Variants in VASH2 observed in about 807,000 individuals in gnomAD.
The protein encoded by VASH2 is tubulinyl-Tyr carboxypeptidase 2.
VASH2 carries 28 observed loss-of-function variants against 37.2 expected under a neutral mutation model. That is an observed-to-expected ratio of 0.75 (90% confidence interval 0.56 to 1.03). The LOEUF (loss-of-function observed/expected upper bound fraction) is 1.03, where lower values mean the gene tolerates loss of function less well. Among genes scored for constraint, VASH2 ranks in the 50% least tolerant of loss-of-function variants. The pLI is 0.00. For missense variants in VASH2, 419 were observed against 459.1 expected, an observed-to-expected ratio of 0.91 and a Z score of 0.80; for synonymous variants, 188 against 174.7, an observed-to-expected ratio of 1.08 and a Z score of -0.60.
chr1:212,968,707 A>G (rs1455771734), intron 5 of VASH2: 3 of 985,398 alleles, frequency 3.0e-6, no homozygotes, highest in Admixed American at 6.2e-5. Flanking sequence ...CAGGGCCCCA[A>G]CTCTTTAGTG....
chr1:212,952,798 G>C (rs142489568), intron 2 of VASH2: 1 of 152,286 alleles, frequency 6.6e-6, no homozygotes, highest in Non-Finnish European at 1.5e-5. Context: ...GACCCGGAAG[G>C]CCATCTGGTT....
intron 7 of VASH2, among the ~76,000 whole-genome samples, chr1:212,984,519 G>T (rs1163421268): frequency 6.6e-6 from 1 of 152,138 alleles, no homozygotes; most frequent in Non-Finnish European, 1.5e-5. Context: ...ACAGGTCAGT[G>T]CAGATCTAGT....
chr1:212,971,686 G>T lies in VASH2; in HGVS notation c.498-894G>T, dbSNP rs915285429. 3.3e-5 allele frequency among the ~76,000 whole-genome samples: 5 copies of T among 152,280 alleles called. No homozygotes were observed. The highest frequency in any genetic ancestry group is 5.9e-5 in the Non-Finnish European group (4 of 68,018). ...CAAAACTGCTTTCTTTCTAGAGAGTGGAGGCATCCGTGATTAAACCGAGAG... is the reference window on the plus strand; with the variant it reads ...CAAAACTGCTTTCTTTCTAGAGAGTTGAGGCATCCGTGATTAAACCGAGAG... On this transcript the variant is annotated intron_variant, in intron 5 of 7. Transcript: ENST00000517399. The surrounding 1 kb of genome is among the most constrained non-coding windows in gnomAD (Gnocchi z 4.0).
chr1:212,988,140 G>C (rs993664141), intron 7 of VASH2, among the ~76,000 whole-genome samples: 1 of 152,152 alleles, frequency 6.6e-6, no homozygotes, highest in African/African-American at 2.4e-5. Flanking sequence ...GTTTCAAGGA[G>C]AATTTGACTC....
At chr1:212,985,558 A>G (rs1667454879) in intron 7 of VASH2, among the ~76,000 whole-genome samples, 1 of 151,972 alleles carries the variant, frequency 6.6e-6, no homozygotes, top group South Asian at 2.1e-4. Context: ...CTGGGACTAC[A>G]GGAATGCGCC....
At chr1:212,958,769 G>A (rs115271449) in intron 2 of VASH2, among the ~76,000 whole-genome samples, 2,125 of 151,940 alleles carry the variant, frequency 0.014, 48 homozygotes, top group African/African-American at 0.049. Context: ...GCTGGAGTGC[G>A]GTGGCCCATT....
chr1:212,982,553 C>T (rs1667368628), intron 7 of VASH2, among the ~76,000 whole-genome samples: 2 of 152,148 alleles, frequency 1.3e-5, no homozygotes, highest in South Asian at 2.1e-4. Context: ...GAAGAGTCCT[C>T]TCTATACACA....
At chr1:212,955,762 A>C (rs923522272) in intron 2 of VASH2, among the ~76,000 whole-genome samples, 4 of 152,152 alleles carry the variant, frequency 2.6e-5, no homozygotes, top group Non-Finnish European at 4.4e-5. Context: ...AAGACACGGG[A>C]GTGTTTGGTA....
chr1:212,960,482 G>A (rs1002376723), intron 2 of VASH2, among the ~76,000 whole-genome samples: 1 of 152,228 alleles, frequency 6.6e-6, no homozygotes. Flanking sequence ...GGGCGTTGCA[G>A]GGAGGGTGGT....
At chr1:212,972,277 C>T (rs1409640419) in intron 5 of VASH2, among the ~76,000 whole-genome samples, 3 of 152,000 alleles carry the variant, frequency 2.0e-5, no homozygotes, top group East Asian at 3.9e-4. Flanking sequence ...CTGTGTGAGC[C>T]CCAGGAGCAG....
intron 5 of VASH2, among the ~76,000 whole-genome samples, chr1:212,970,476 A>G (rs61583935): frequency 0.031 from 4,778 of 152,174 alleles, 93 homozygotes; most frequent in African/African-American, 0.047. Context: ...CTTTCTTATA[A>G]CACACTTCAC....
At position 212,966,319 on chromosome 1, in the gene VASH2, AT is replaced by A; in HGVS notation, c.472del (p.Cys158AlafsTer11). Reference protein sequence around the residue: ...EMTRESLPIKCLEAVILGIYL... With the variant: ...EMTRESLPIKXLEAVILGIYL... ...TGACCCGAGAGTCCTTGCCTATCAA[AT>A]GCCTTGAAGCTGTCATCCTGGGCAT... is the stretch of plus-strand genomic sequence containing the variant. On this transcript the variant is annotated frameshift_variant, in exon 5 of 8. Coordinates refer to ENST00000517399, the MANE Select transcript of VASH2 (RefSeq NM_001301056.2). LOFTEE classifies it high-confidence loss of function. The A allele has an allele frequency of 6.4e-7, 1 of 1,551,730 alleles. No homozygotes were observed. Among genetic ancestry groups the A allele is most frequent in the Non-Finnish European group, 8.7e-7 (1 of 1,147,004 alleles).
chr1:212,982,904 T>C (rs1558152651), intron 7 of VASH2, among the ~76,000 whole-genome samples: 2 of 152,116 alleles, frequency 1.3e-5, no homozygotes, highest in East Asian at 1.9e-4. Context: ...GCTTAATGAG[T>C]AGGCAGGTTC....
chr1:212,987,582 AAAAC>A (rs1441027603), intron 7 of VASH2, among the ~76,000 whole-genome samples: 2 of 152,216 alleles, frequency 1.3e-5, no homozygotes, highest in Non-Finnish European at 2.9e-5. Flanking sequence ...CTCAAAAACA[AAAAC>A]AAAAACAAAA....
intron 6 of VASH2, 43 bp from the exon 7 acceptor site, chr1:212,973,912 T>C (rs1667095642): frequency 6.3e-7 from 1 of 1,593,302 alleles, no homozygotes; most frequent in South Asian, 1.1e-5. Context: ...AGGGTGGAGG[T>C]CCCTTAGGAA....
Position 212,972,819 on chromosome 1 carries a change from T to C in VASH2, c.737T>C (p.Val246Ala). 6.2e-7 allele frequency: 1 copy of C among 1,614,156 alleles called. No homozygotes were observed. Among genetic ancestry groups the C allele is most frequent in the Non-Finnish European group, 8.5e-7 (1 of 1,180,034 alleles). Reference sequence around the variant, plus strand: ...AAATACCTGCACACAGTCAAGAAGGTCAAGATTGGGCTGTACGTCCCCCAT... The same window carrying C: ...AAATACCTGCACACAGTCAAGAAGGCCAAGATTGGGCTGTACGTCCCCCAT... ...YKKYLHTVKK[V>A]KIGLYVPHEP... The change falls in exon 6 of 8, where the codon GTC becomes GCC. Residue 246 changes from valine (V) to alanine (A), a missense_variant. Val to Ala is a moderately conservative substitution (Grantham distance 64, BLOSUM62 0). This residue lies in a region of VASH2 where 177 missense variants were observed against 166.2 expected (regional missense o/e 1.06). Transcript: ENST00000517399.
chr1:212,973,959 T>C lies in VASH2; in HGVS notation c.884T>C (p.Leu295Pro), dbSNP rs1326867694. The part of the protein sequence containing the change: ...KYARDMRMKI[L>P]KPASAHSPTQ... The stretch of plus-strand genomic sequence containing the variant: ...AACTCCTCACATCTCCTTCAGATCC[T>C]GAAACCTGCAAGTGCCCACTCTCCG... Residue 295 changes from leucine to proline, a missense_variant, in exon 7 of 8, where the codon CTG becomes CCG. Around this residue, in one of 3 missense-constraint regions of VASH2, gnomAD observed 177 missense variants for 166.2 expected, o/e 1.06. Coordinates refer to ENST00000517399, the MANE Select transcript of VASH2 (RefSeq NM_001301056.2). The C allele has an allele frequency of 6.2e-7, 1 of 1,613,434 alleles. No individual in the cohort carries two copies. The highest frequency in any genetic ancestry group is 8.5e-7 in the Non-Finnish European group (1 of 1,179,720).
At chr1:212,961,443 G>A in intron 3 of VASH2, 189 bp downstream of exon 3, 3 of 1,309,746 alleles carry the variant, frequency 2.3e-6, no homozygotes, top group South Asian at 1.6e-5. Flanking sequence ...CAGTGACCCA[G>A]TAGGGCAGGC....
chr1:212,972,460 T>A, intron 5 of VASH2, 120 bp from the exon 6 acceptor site: 2 of 1,231,222 alleles, frequency 1.6e-6, no homozygotes, highest in South Asian at 2.8e-5. Context: ...AAGTTAGATG[T>A]GGGCCTGCTC....
Sources: gnomAD v4.1 joint callset for allele counts (sites outside exome capture counted in the v4.1 genomes callset) on GRCh38, gnomAD v4.1.1 for gene constraint, gnomAD v4.1.1 regional missense constraint, Gnocchi (gnomAD v3.1) non-coding constraint, MANE v1.5 for transcripts, NCBI Gene and HGNC (gene_info 2026-07-23, HGNC 2026-07-21) for gene names.